The following SLC9A9 variants were observed in gnomAD, a reference collection of about 807,000 sequenced individuals.
The protein encoded by SLC9A9 is solute carrier family 9 member A9, also known as sodium/hydrogen exchanger 9.
SLC9A9 carries 62 observed loss-of-function variants against 77.8 expected under a neutral mutation model. The observed-to-expected ratio is 0.80, with a 90% confidence interval of 0.65 to 0.98. SLC9A9 has a LOEUF of 0.98. Ranked by LOEUF, SLC9A9 falls within the 50% of genes least tolerant of loss-of-function variation. The pLI is 0.00. For synonymous variants in SLC9A9, 320 were observed against 283.5 expected, an observed-to-expected ratio of 1.13 and a Z score of -1.29; for missense variants, 775 against 774.9, an observed-to-expected ratio of 1.00 and a Z score of 0.00.
chr3:143,272,636 G>A (rs1294641243), intron 14 of SLC9A9, among the ~76,000 whole-genome samples: 1 of 151,914 alleles, frequency 6.6e-6, no homozygotes, highest in Non-Finnish European at 1.5e-5. Flanking sequence ...GGATCTCCAG[G>A]GTTACCTGAA....
At chr3:143,677,666 A>G (rs1425100787) in intron 5 of SLC9A9, among the ~76,000 whole-genome samples, 1 of 152,196 alleles carries the variant, frequency 6.6e-6, no homozygotes, top group Non-Finnish European at 1.5e-5. Flanking sequence ...GCCAGCAATG[A>G]CTGTTACTTG....
chr3:143,302,656 G>T (rs1022532983), intron 14 of SLC9A9, among the ~76,000 whole-genome samples: 1 of 152,126 alleles, frequency 6.6e-6, no homozygotes, highest in Non-Finnish European at 1.5e-5. Flanking sequence ...GGAAGATGGC[G>T]AGAGGGAGAG....
intron 14 of SLC9A9, among the ~76,000 whole-genome samples, chr3:143,354,489 T>G (rs1290915175): frequency 6.6e-6 from 1 of 152,206 alleles, no homozygotes; most frequent in Non-Finnish European, 1.5e-5. Context: ...AACTGCAGTC[T>G]GCGAGCTAGA....
chr3:143,469,619 C>CGCTCCT (rs1233847580), intron 11 of SLC9A9, among the ~76,000 whole-genome samples: 3 of 152,298 alleles, frequency 2.0e-5, no homozygotes, highest in East Asian at 3.9e-4. Flanking sequence ...TAGAATATAA[C>CGCTCCT]GCTCCTTTCT....
At chr3:143,551,489 A>G (rs1006974931) in intron 9 of SLC9A9, among the ~76,000 whole-genome samples, 3 of 152,198 alleles carry the variant, frequency 2.0e-5, no homozygotes, top group Non-Finnish European at 1.5e-5. Flanking sequence ...GATATTGTTC[A>G]TGCTGATCCC....
chr3:143,739,621 C>G (rs1935030349), intron 4 of SLC9A9, among the ~76,000 whole-genome samples: 1 of 152,160 alleles, frequency 6.6e-6, no homozygotes, highest in African/African-American at 2.4e-5. Flanking sequence ...AGTCCAAGGT[C>G]TAAATTTCAT....
intron 6 of SLC9A9, among the ~76,000 whole-genome samples, chr3:143,579,067 C>T (rs1412940674): frequency 6.6e-6 from 1 of 152,136 alleles, no homozygotes; most frequent in Non-Finnish European, 1.5e-5. Flanking sequence ...TATTTAGTGG[C>T]CATATGTCTT....
chr3:143,788,285 CT>C (rs1255876166), intron 4 of SLC9A9, among the ~76,000 whole-genome samples: 17 of 152,246 alleles, frequency 1.1e-4, no homozygotes, highest in African/African-American at 4.1e-4. Context: ...GAATGTCTTT[CT>C]GACTTTGAGG....
chr3:143,420,407 C>A (rs1470167688), intron 12 of SLC9A9, among the ~76,000 whole-genome samples: 1 of 152,172 alleles, frequency 6.6e-6, no homozygotes, highest in Non-Finnish European at 1.5e-5. Context: ...TTAAAAAGAT[C>A]CTTTCTTGCC....
At position 143,727,831 on chromosome 3, in the gene SLC9A9, C is replaced by T. The variant is rs115708521; in HGVS notation, c.534-34524G>A. On this transcript the variant is annotated intron_variant, in intron 4 of 15. Coordinates refer to ENST00000316549, the MANE Select transcript of SLC9A9 (RefSeq NM_173653.4). ...CTCACCACTGTAGAATCTGCTACTA[C>T]TGCATTATTTGTCTCTGTCAACTTA... 5.9e-3 allele frequency among the ~76,000 whole-genome samples: 893 copies of T among 152,356 alleles called. 4 individuals are homozygous for T. Among genetic ancestry groups the T allele is most frequent in the African/African-American group, 0.02 (831 of 41,578 alleles).
At chr3:143,517,700 A>T in intron 9 of SLC9A9, 1 of 1,597,566 alleles carries the variant, frequency 6.3e-7, no homozygotes, top group Admixed American at 1.7e-5. Flanking sequence ...ATCAGGATTT[A>T]TTTCAATGGC....
chr3:143,457,583 A>G lies in SLC9A9; in HGVS notation c.1469+9454T>C, dbSNP rs148337374. Among the ~76,000 whole-genome samples, 1,034 of 152,190 alleles carry G rather than the reference A, an allele frequency of 6.8e-3. 12 individuals are homozygous for G. Among genetic ancestry groups the G allele is most frequent in the African/African-American group, 0.024 (993 of 41,538 alleles). ...TTTGAAAACTTTCTTCTCTTCTAATATAGGTTTTCAGTGCTATACATTTCT... is the reference window on the plus strand; with the variant it reads ...TTTGAAAACTTTCTTCTCTTCTAATGTAGGTTTTCAGTGCTATACATTTCT... On this transcript the variant is annotated intron_variant, in intron 12 of 15. Transcript: ENST00000316549.
chr3:143,552,476 A>G (rs774091199), intron 8 of SLC9A9, 26 bp from the exon 9 acceptor site: 2 of 1,602,000 alleles, frequency 1.2e-6, no homozygotes, highest in East Asian at 4.5e-5. Flanking sequence ...CAGATCAGTC[A>G]AAACCAATTT....
At chr3:143,572,148 G>C (rs910068724) in intron 8 of SLC9A9, among the ~76,000 whole-genome samples, 1 of 152,162 alleles carries the variant, frequency 6.6e-6, no homozygotes, top group Non-Finnish European at 1.5e-5. Context: ...CAGGTTGAAA[G>C]GGTGTGAAAG....
intron 9 of SLC9A9, among the ~76,000 whole-genome samples, chr3:143,528,061 T>G (rs1303479430): frequency 6.6e-6 from 1 of 152,200 alleles, no homozygotes; most frequent in African/African-American, 2.4e-5. Context: ...GAAAATCATT[T>G]CCATGTCTTT....
At chr3:143,826,996 C>T (rs1257302774) in intron 2 of SLC9A9, among the ~76,000 whole-genome samples, 1 of 152,196 alleles carries the variant, frequency 6.6e-6, no homozygotes, top group Admixed American at 6.5e-5. Flanking sequence ...CTTGGGACCA[C>T]ATCTTGTTTC....
intron 2 of SLC9A9, among the ~76,000 whole-genome samples, chr3:143,826,419 G>A (rs1485266772): frequency 6.6e-6 from 1 of 152,064 alleles, no homozygotes; most frequent in Non-Finnish European, 1.5e-5. Context: ...CTTCTGACTA[G>A]TTGGGCCAAG....
At chr3:143,800,750 C>T (rs1004148457) in intron 2 of SLC9A9, among the ~76,000 whole-genome samples, 8 of 152,184 alleles carry the variant, frequency 5.3e-5, no homozygotes, top group Non-Finnish European at 1.2e-4. Context: ...ATATTGATGA[C>T]CTTCTACTTT....
intron 4 of SLC9A9, among the ~76,000 whole-genome samples, chr3:143,695,224 T>C (rs546645307): frequency 1.3e-5 from 2 of 152,296 alleles, no homozygotes; most frequent in South Asian, 2.1e-4. Flanking sequence ...CTGGGATACA[T>C]GTGCAGAATG....
Sources: allele counts gnomAD v4.1 joint callset (sites outside exome capture counted in the v4.1 genomes callset), GRCh38; gene constraint gnomAD v4.1.1; transcripts MANE v1.5; gene names NCBI Gene and HGNC (gene_info 2026-07-23, HGNC 2026-07-21).